The following RBAK variants were observed in gnomAD, a reference collection of about 807,000 sequenced individuals.
RBAK encodes RB associated KRAB zinc finger.
Under a neutral mutation model 65.8 loss-of-function variants are expected in RBAK, and 39 were observed. The observed-to-expected ratio is 0.59, with a 90% CI of 0.46 to 0.77. RBAK has a LOEUF of 0.77. RBAK is among the 30% of genes least tolerant of loss of function. The pLI, the probability that RBAK is intolerant of heterozygous loss-of-function variation, is 0.00. For synonymous variants in RBAK, 343 were observed against 289.7 expected (o/e 1.18, Z -1.87); for missense variants, 884 against 855.1 (o/e 1.03, Z -0.42).
In RBAK at chr7:5,045,974, C is replaced by G. The variant is rs1209942619; in HGVS notation, c.-467C>G. On this transcript the variant is annotated 5_prime_UTR_variant, in exon 1 of 5. Coordinates refer to ENST00000396912, the MANE Select transcript of RBAK (RefSeq NM_021163.4). ...GGGGCTGGAGGTTGAGCGCCCGGGC[C>G]AGCACCTAGGCGGGCGCGGGGGTGT... 5 of 306,884 alleles carry G rather than the reference C, an allele frequency of 1.6e-5. No homozygotes were observed. The highest frequency in any genetic ancestry group is 1.2e-5 in the Non-Finnish European group (2 of 164,272). The allele number at this position is 306,884 out of a possible 1,614,324, so 19.0% of individuals were successfully genotyped here.
rs79078905 is a variant in RBAK, at chr7:5,050,076, A to T, written c.15+1985A>T. On this transcript the variant is annotated intron_variant, in intron 2 of 4. Transcript: ENST00000396912. The stretch of plus-strand genomic sequence containing the variant: ...GGTCTCAAACTCCTGACCTCAAGCA[A>T]TCCTTTCACTTTGGCCTCCCAAAGT... Among the ~76,000 whole-genome samples, 1,006 of 152,252 alleles carry T rather than the reference A, an allele frequency of 6.6e-3. 14 individuals are homozygous for T. Among genetic ancestry groups the T allele is most frequent in the African/African-American group, 0.023 (957 of 41,550 alleles).
chr7:5,067,626 C>T lies in RBAK; in HGVS notation c.*2025C>T, dbSNP rs1282417633. 2.6e-5 allele frequency: 4 copies of T among 152,150 alleles called. No homozygotes were observed. The highest frequency in any genetic ancestry group is 7.2e-5 in the African/African-American group (3 of 41,450). The allele number at this position is 152,150 out of a possible 1,614,324, so 9.4% of individuals were successfully genotyped here. A position where few individuals can be genotyped will look rare whatever the true frequency, so the allele number is the denominator to read the frequency against. ...GCATATTCAAAAGTCGAATAATTGT[C>T]AAGGCTATCCTGTAGAATGGACAGA... On this transcript the variant is annotated 3_prime_UTR_variant, in exon 5 of 5. Transcript: ENST00000396912.
At position 5,064,722 on chromosome 7, in the gene RBAK, A is replaced by G; in HGVS notation, c.1266A>G (p.Thr422=). The part of the protein sequence containing the change: ...RKSTLITHQR[T]HTGEKPYQCS... ...CTACTCTGATTACACATCAGAGAACACACACGGGAGAGAAGCCCTATCAGT... is the reference window on the plus strand; with the variant it reads ...CTACTCTGATTACACATCAGAGAACGCACACGGGAGAGAAGCCCTATCAGT... The change falls in exon 5 of 5, where the codon ACA becomes ACG. Residue 422 remains threonine (T), a synonymous_variant. Coordinates refer to ENST00000396912, the MANE Select transcript of RBAK (RefSeq NM_021163.4). This position sits in a 1 kb window ranked among gnomAD's most constrained non-coding sequence, Gnocchi z 6.3. The G allele has an allele frequency of 6.2e-7, 1 of 1,612,228 alleles. No homozygotes were observed. Among genetic ancestry groups the G allele is most frequent in the African/African-American group, 1.3e-5 (1 of 74,980 alleles).
At chr7:5,058,155 A>G (rs1366581606) in intron 4 of RBAK, among the ~76,000 whole-genome samples, 1 of 152,142 alleles carries the variant, frequency 6.6e-6, no homozygotes, top group Non-Finnish European at 1.5e-5. Context: ...GCTCACTGCA[A>G]CCACCACCTC....
At chr7:5,052,910 C>T (rs2115030110) in intron 2 of RBAK, among the ~76,000 whole-genome samples, 1 of 152,210 alleles carries the variant, frequency 6.6e-6, no homozygotes, top group Middle Eastern at 3.4e-3. Context: ...CAGACACCCA[C>T]CACCACACCC....
At position 5,063,477 on chromosome 7, in the gene RBAK, CTGTGTGTG is replaced by C. The variant is rs71535175; in HGVS notation, c.239-188_239-181del. On this transcript the variant is annotated intron_variant, in intron 4 of 4. Coordinates refer to ENST00000396912, the MANE Select transcript of RBAK (RefSeq NM_021163.4). ...CCACTGTCTCACCTTAATTCTTTCA[CTGTGTGTG>C]TGTGTGTGTGTGTGTGTGTGTGTGT... 2.0e-3 allele frequency among the ~76,000 whole-genome samples: 297 copies of C among 147,298 alleles called. 3 individuals are homozygous for C. The highest frequency in any genetic ancestry group is 6.8e-3 in the Middle Eastern group (2 of 292).
At chr7:5,049,228 G>A (rs528589646) in intron 2 of RBAK, among the ~76,000 whole-genome samples, 2 of 152,240 alleles carry the variant, frequency 1.3e-5, no homozygotes, top group South Asian at 4.1e-4. Context: ...GCTTATGTAA[G>A]CAGAGGGCCT....
intron 4 of RBAK, among the ~76,000 whole-genome samples, chr7:5,062,997 A>G (rs957681845): frequency 2.0e-5 from 3 of 152,206 alleles, no homozygotes; most frequent in Admixed American, 2.0e-4. Context: ...TTGTGCAGTT[A>G]ACGCAATTAT....
At position 5,064,605 on chromosome 7, in the gene RBAK, C is replaced by T; in HGVS notation, c.1149C>T (p.Ser383=). 6.2e-7 allele frequency: 1 copy of T among 1,614,010 alleles called. No homozygotes were observed. Among genetic ancestry groups the T allele is most frequent in the Non-Finnish European group, 8.5e-7 (1 of 1,179,972 alleles). The change falls in exon 5 of 5, where the codon TCC becomes TCT. Residue 383 remains serine (S), a synonymous_variant. Transcript: ENST00000396912. This position sits in a 1 kb window ranked among gnomAD's most constrained non-coding sequence, Gnocchi z 6.3. The part of the protein sequence containing the change: ...YPCNECGKSF[S]RKSALSDHQR... ...GTAACGAATGTGGGAAATCCTTCTC[C>T]CGCAAGTCTGCTCTCAGTGACCATC...
At position 5,068,129 on chromosome 7, in the gene RBAK, CA is replaced by C. The variant is rs1779266158; in HGVS notation, c.*2529del. On this transcript the variant is annotated 3_prime_UTR_variant, in exon 5 of 5. Coordinates refer to ENST00000396912, the MANE Select transcript of RBAK (RefSeq NM_021163.4). ...TATTTGCAGTTCATGTATGTGACAA[CA>C]GCACCGAGTATAGCAGAAGTGTTGG... 6.6e-6 allele frequency: 1 copy of C among 152,146 alleles called. No homozygotes were observed. Among genetic ancestry groups the C allele is most frequent in the African/African-American group, 2.4e-5 (1 of 41,400 alleles). 9.4% of individuals were successfully genotyped at this position (152,146 alleles called of 1,614,324 possible).
At chr7:5,049,790 C>T (rs1427841916) in intron 2 of RBAK, among the ~76,000 whole-genome samples, 1 of 151,890 alleles carries the variant, frequency 6.6e-6, no homozygotes, top group Non-Finnish European at 1.5e-5. Flanking sequence ...GAGACGTGAT[C>T]ACAACTCACT....
intron 4 of RBAK, among the ~76,000 whole-genome samples, chr7:5,058,859 A>G (rs1235221772): frequency 1.3e-5 from 2 of 152,128 alleles, no homozygotes; most frequent in African/African-American, 2.4e-5. Flanking sequence ...AGTTTATCTA[A>G]TCTCACCTTC....
intron 2 of RBAK, among the ~76,000 whole-genome samples, chr7:5,049,085 C>T (rs547193273): frequency 6.6e-6 from 1 of 152,180 alleles, no homozygotes; most frequent in Non-Finnish European, 1.5e-5. Context: ...TAAGGAGAAA[C>T]CAACTTTGTT....
intron 2 of RBAK, among the ~76,000 whole-genome samples, chr7:5,049,471 GTTTTAGTTTTGTCC>G (rs1209281198): frequency 1.3e-5 from 2 of 152,200 alleles, no homozygotes; most frequent in Non-Finnish European, 2.9e-5. Flanking sequence ...AGTTCTCAGT[GTTTTAGTTTTGTCC>G]TTTTCACGTT....
chr7:5,055,318 C>T (rs1410213028), intron 2 of RBAK, among the ~76,000 whole-genome samples: 1 of 149,312 alleles, frequency 6.7e-6, no homozygotes, highest in Middle Eastern at 3.2e-3. Context: ...TATATATGTG[C>T]TTGTGTGTAA....
intron 2 of RBAK, among the ~76,000 whole-genome samples, chr7:5,055,047 G>T (rs1226461022): frequency 6.6e-6 from 1 of 152,080 alleles, no homozygotes; most frequent in Non-Finnish European, 1.5e-5. Flanking sequence ...CTCCCAAAGT[G>T]TTGAGATTAC....
rs1365891894 is a variant in RBAK, at chr7:5,048,524, A to G, written c.15+433A>G. ...GTGGAAATAGACATTGTCCTGTAAA[A>G]TATAGTTAGTGTGGCAGATCAGCAC... On this transcript the variant is annotated intron_variant, in intron 2 of 4. Coordinates refer to ENST00000396912, the MANE Select transcript of RBAK (RefSeq NM_021163.4). This position sits in a 1 kb window ranked among gnomAD's most constrained non-coding sequence, Gnocchi z 4.4. 6.6e-6 allele frequency among the ~76,000 whole-genome samples: 1 copy of G among 152,220 alleles called. No homozygotes were observed. The highest frequency in any genetic ancestry group is 1.5e-5 in the Non-Finnish European group (1 of 68,034).
chr7:5,050,967 A>C (rs1195207166), intron 2 of RBAK, among the ~76,000 whole-genome samples: 2 of 152,214 alleles, frequency 1.3e-5, no homozygotes, highest in Non-Finnish European at 2.9e-5. Context: ...GCTTCTAAGC[A>C]GGAAGGTTTT....
chr7:5,057,075 TTTTATATATATTATATATA>T (rs1201764587), intron 2 of RBAK: 2 of 208,974 alleles, frequency 9.6e-6, no homozygotes, highest in Non-Finnish European at 1.7e-5. Context: ...TATATATATT[TTTTATATATATTATATATA>T]TTTATATATA....
Sources: gnomAD v4.1 joint callset for allele counts (sites outside exome capture counted in the v4.1 genomes callset) on GRCh38, gnomAD v4.1.1 for gene constraint, Gnocchi (gnomAD v3.1) non-coding constraint, MANE v1.5 for transcripts, NCBI Gene and HGNC (gene_info 2026-07-23, HGNC 2026-07-21) for gene names.